The following C1QTNF1 variants were observed in gnomAD, a reference collection of about 807,000 sequenced individuals.
C1QTNF1 encodes the protein complement C1q tumor necrosis factor-related protein 1.
In C1QTNF1, 22 loss-of-function variants were observed where a neutral mutation model predicts 27.8. The observed-to-expected ratio is 0.79, with a 90% CI of 0.56 to 1.13. The LOEUF (loss-of-function observed/expected upper bound fraction) is 1.13. Ranked by LOEUF, C1QTNF1 falls within the 50% of genes most tolerant of loss-of-function variation. C1QTNF1 has a pLI of 0.00. For missense variants in C1QTNF1, 373 were observed against 380.2 expected, an observed-to-expected ratio of 0.98 and a Z score of 0.16; for synonymous variants, 166 against 154.3, an observed-to-expected ratio of 1.08 and a Z score of -0.56.
At chr17:79,045,373 A>G (rs1347753328) in intron 2 of C1QTNF1, among the ~76,000 whole-genome samples, 2 of 152,106 alleles carry the variant, frequency 1.3e-5, no homozygotes, top group Admixed American at 1.3e-4. Context: ...CCTGAACTCA[A>G]TCCTACAAAG....
intron 1 of C1QTNF1, chr17:79,043,288 G>A: frequency 2.2e-6 from 1 of 453,890 alleles, no homozygotes; most frequent in Non-Finnish European, 4.4e-6. Context: ...GAGTGTGCAT[G>A]TGATTTGGGT....
rs143906478 is a variant in C1QTNF1 at position 79,026,520 on chromosome 17, A to C, written c.-15+2026A>C. On this transcript the variant is annotated intron_variant, in intron 1 of 3. Transcript: ENST00000579760. ...ACATGGCACTCAGCTCGCCAAGCTG[A>C]TGCTGGGAACTTCTCTCTCCCAGCT... Among the ~76,000 whole-genome samples the C allele has an allele frequency of 6.0e-3, 917 of 152,332 alleles. 2 individuals carry two copies. The highest frequency in any genetic ancestry group is 9.5e-3 in the Non-Finnish European group (646 of 68,018).
At chr17:79,034,770 A>T (rs1170370090) in intron 1 of C1QTNF1, among the ~76,000 whole-genome samples, 1 of 152,082 alleles carries the variant, frequency 6.6e-6, no homozygotes, top group African/African-American at 2.4e-5. Context: ...TTAAAAACAA[A>T]CCCTCCTTCT....
chr17:79,027,772 T>C (rs1356575044), intron 1 of C1QTNF1: 1 of 152,334 alleles, frequency 6.6e-6, no homozygotes, highest in Non-Finnish European at 1.5e-5. Flanking sequence ...TGGGGTGATA[T>C]GAGTGGCTCT....
intron 1 of C1QTNF1, chr17:79,043,321 T>C (rs1338608416): frequency 2.2e-6 from 1 of 453,860 alleles, no homozygotes; most frequent in East Asian, 7.0e-5. Context: ...GAGTTGTGCA[T>C]GTGTGTTGAG....
Position 79,029,545 on chromosome 17 carries a change from C to T in C1QTNF1, c.-15+5051C>T, listed in dbSNP as rs75376812. Among the ~76,000 whole-genome samples, 1,329 of 151,932 alleles carry T rather than the reference C, an allele frequency of 8.7e-3. 47 individuals carry two copies. The East Asian group carries it at 0.12, about 14-fold the overall frequency. On this transcript the variant is annotated intron_variant, in intron 1 of 3. Coordinates refer to ENST00000579760, the MANE Select transcript of C1QTNF1 (RefSeq NM_030968.5). ...CTCAGTGGTGGCTTTTCAGGGGTAG[C>T]GGGGCTTTGTCAGAAGGAATCTCTG... is the stretch of plus-strand genomic sequence containing the variant.
chr17:79,048,364 C>T lies in C1QTNF1; in HGVS notation c.*276C>T, dbSNP rs533842259. 11 of 372,118 alleles carry T rather than the reference C, an allele frequency of 3.0e-5. No homozygotes were observed. The highest frequency in any genetic ancestry group is 8.4e-5 in the Admixed American group (2 of 23,854). The allele number at this position is 372,118 out of a possible 1,614,324, so 23.1% of individuals were successfully genotyped here. A position where few individuals can be genotyped will look rare whatever the true frequency, so the allele number is the denominator to read the frequency against. On this transcript the variant is annotated 3_prime_UTR_variant, in exon 4 of 4. Transcript: ENST00000579760. ...CACATCCTCAAGTGACCCCGCACGG[C>T]GAGACGCGGGTGGCGGCAGGGCGTC... is the stretch of plus-strand genomic sequence containing the variant.
intron 1 of C1QTNF1, among the ~76,000 whole-genome samples, chr17:79,033,951 G>A (rs533227184): frequency 1.6e-4 from 24 of 152,232 alleles, no homozygotes; most frequent in Middle Eastern, 6.8e-3. Flanking sequence ...CCAAGCAGTC[G>A]GGGCGGGGCC....
In C1QTNF1 at chr17:79,048,119, C is replaced by T. The variant is rs775718777; in HGVS notation, c.*31C>T. Reference sequence around the variant, plus strand: ...CGGCCACCTCCTTTCCTCTCGCCACCTTCCACCCCTGCGCTGTGCTGACCC... The same window carrying T: ...CGGCCACCTCCTTTCCTCTCGCCACTTTCCACCCCTGCGCTGTGCTGACCC... On this transcript the variant is annotated 3_prime_UTR_variant, in exon 4 of 4. Coordinates refer to ENST00000579760, the MANE Select transcript of C1QTNF1 (RefSeq NM_030968.5). 4 of 1,519,140 alleles carry T rather than the reference C, an allele frequency of 2.6e-6. No individual in the cohort carries two copies. The highest frequency in any genetic ancestry group is 3.5e-6 in the Non-Finnish European group (4 of 1,139,646). 94.1% of individuals were successfully genotyped at this position (1,519,140 alleles called of 1,614,324 possible). A position where few individuals can be genotyped will look rare whatever the true frequency, so the allele number is the denominator to read the frequency against.
intron 1 of C1QTNF1, among the ~76,000 whole-genome samples, chr17:79,038,625 GC>G (rs1417929822): frequency 6.6e-6 from 1 of 152,182 alleles, no homozygotes; most frequent in African/African-American, 2.4e-5. Context: ...TGGAGACTGG[GC>G]CACGTGGATC....
At chr17:79,029,617 A>G (rs2072073260) in intron 1 of C1QTNF1, among the ~76,000 whole-genome samples, 2 of 152,164 alleles carry the variant, frequency 1.3e-5, no homozygotes, top group Admixed American at 1.3e-4. Flanking sequence ...TGGCCATTGC[A>G]CATCACGCAC....
rs150787326 is a variant in C1QTNF1 at position 79,049,469 on chromosome 17, C to T, written c.*1381C>T. On this transcript the variant is annotated 3_prime_UTR_variant, in exon 4 of 4. Transcript: ENST00000579760. This position sits in a 1 kb window ranked among gnomAD's most constrained non-coding sequence, Gnocchi z 4.4. ...CCATGGCCACCCCAGACTCTGATCT[C>T]CAGGAACCCCATAGCCCCTCTCCAC... is the stretch of plus-strand genomic sequence containing the variant. 2.0e-3 allele frequency: 312 copies of T among 152,636 alleles called. 1 individual carries two copies. The highest frequency in any genetic ancestry group is 3.4e-3 in the Middle Eastern group (1 of 294). The allele number at this position is 152,636 out of a possible 1,614,324, so 9.5% of individuals were successfully genotyped here.
intron 1 of C1QTNF1, among the ~76,000 whole-genome samples, chr17:79,029,430 G>T (rs2072067607): frequency 6.6e-6 from 1 of 152,214 alleles, no homozygotes; most frequent in South Asian, 2.1e-4. Flanking sequence ...CTAAGGATCA[G>T]GTATTCTAAG....
intron 1 of C1QTNF1, chr17:79,034,295 C>G (rs535862005): frequency 6.6e-6 from 1 of 152,490 alleles, no homozygotes; most frequent in South Asian, 2.1e-4. Context: ...GGTGCCTCTT[C>G]TCTCTCACAC....
At chr17:79,044,197 G>C (rs1235395810) in intron 2 of C1QTNF1, 74 bp downstream of exon 2, 1 of 1,441,128 alleles carries the variant, frequency 6.9e-7, no homozygotes, top group Admixed American at 2.7e-5. Context: ...GGGGCCCCTG[G>C]GGGAGCTAGT....
chr17:79,025,898 C>T (rs1165528486), intron 1 of C1QTNF1: 2 of 431,086 alleles, frequency 4.6e-6, no homozygotes, highest in South Asian at 3.3e-5. Context: ...TCATCATCAT[C>T]ATCACCATCA....
At chr17:79,042,282 C>T (rs1035177544) in intron 1 of C1QTNF1, among the ~76,000 whole-genome samples, 32 of 152,270 alleles carry the variant, frequency 2.1e-4, no homozygotes, top group African/African-American at 5.8e-4. Flanking sequence ...GGGAGCAAGC[C>T]GCTCACAGGG....
chr17:79,048,378 C>A lies in C1QTNF1; in HGVS notation c.*290C>A. 5.7e-6 allele frequency: 2 copies of A among 353,204 alleles called. No individual in the cohort carries two copies. Among genetic ancestry groups the A allele is most frequent in the Admixed American group, 4.3e-5 (1 of 23,366 alleles). 21.9% of individuals were successfully genotyped at this position (353,204 alleles called of 1,614,324 possible). A position where few individuals can be genotyped will look rare whatever the true frequency, so the allele number is the denominator to read the frequency against. The stretch of plus-strand genomic sequence containing the variant: ...ACCCCGCACGGCGAGACGCGGGTGG[C>A]GGCAGGGCGTCCCAGGGTGCGGCAC... On this transcript the variant is annotated 3_prime_UTR_variant, in exon 4 of 4. Coordinates refer to ENST00000579760, the MANE Select transcript of C1QTNF1 (RefSeq NM_030968.5).
chr17:79,031,923 C>T (rs1209486515), intron 1 of C1QTNF1, among the ~76,000 whole-genome samples: 16 of 152,326 alleles, frequency 1.1e-4, no homozygotes, highest in Non-Finnish European at 2.2e-4. Context: ...AGTGATGTAC[C>T]TTGGATCTCT....
Sources: allele counts gnomAD v4.1 joint callset (sites outside exome capture counted in the v4.1 genomes callset), GRCh38; gene constraint gnomAD v4.1.1; non-coding constraint Gnocchi (gnomAD v3.1); transcripts MANE v1.5; gene names NCBI Gene and HGNC (gene_info 2026-07-23, HGNC 2026-07-21).